Variants in PYCR3 observed in about 807,000 individuals in gnomAD.
PYCR3 encodes P5C reductase 3.
A neutral mutation model predicts 23.4 loss-of-function variants in PYCR3; 26 were observed. The ratio of observed to expected loss-of-function variants is 1.11; its 90% CI spans 0.81 to 1.54. PYCR3 has a LOEUF of 1.54. Ranked by LOEUF, PYCR3 falls within the 40% of genes most tolerant of loss-of-function variation. The pLI is 0.00. For missense variants in PYCR3, 360 were observed against 376.3 expected, an observed-to-expected ratio of 0.96 and a Z score of 0.36; for synonymous variants, 194 against 162.6, an observed-to-expected ratio of 1.19 and a Z score of -1.47.
In PYCR3 at chr8:143,607,002, T is replaced by A. The variant is rs1375491027; in HGVS notation, c.287A>T (p.His96Leu). ...AEVAPVVTTEHILVSVAAGVS... is the reference protein window; with the variant it reads ...AEVAPVVTTELILVSVAAGVS... The stretch of plus-strand genomic sequence containing the variant: ...CCCAGCAGCCACGGACACCAAGATG[T>A]GTTCAGTGGTGACCACAGGAGCCAC... Residue 96 changes from histidine (H) to leucine (L), a missense_variant, in exon 3 of 6, where the codon CAC (histidine) becomes CTC (leucine). Physicochemically the swap from His to Leu is moderately conservative, Grantham distance 99. Transcript: ENST00000495276. 9.3e-6 allele frequency: 15 copies of A among 1,611,852 alleles called. No homozygotes were observed. Among genetic ancestry groups the A allele is most frequent in the Non-Finnish European group, 1.3e-5 (15 of 1,178,908 alleles).
At position 143,608,137 on chromosome 8, in the gene PYCR3, A is replaced by G. The variant is rs757787260; in HGVS notation, c.92-11T>C. The G allele has an allele frequency of 1.9e-6, 3 of 1,610,930 alleles. No homozygotes were observed. Among genetic ancestry groups the G allele is most frequent in the Admixed American group, 1.7e-5 (1 of 60,022 alleles). ...GAGCTTCCACTTTTCCTGGAAAGAA[A>G]GGAAAAGGAAGAGGGGTTGGTGAAG... On this transcript the variant is annotated splice_polypyrimidine_tract_variant and intron_variant, in intron 1 of 5. Transcript: ENST00000495276.
Position 143,606,150 on chromosome 8 carries a change from C to T in PYCR3, c.554G>A (p.Cys185Tyr), listed in dbSNP as rs1429972569. The T allele has an allele frequency of 1.2e-6, 2 of 1,608,330 alleles. No individual in the cohort carries two copies. The highest frequency in any genetic ancestry group is 1.7e-6 in the Non-Finnish European group (2 of 1,178,094). ...GLSGSGVAFV[C>Y]AFSEALAEGA... The stretch of plus-strand genomic sequence containing the variant: ...TTCAGCCAGGGCCTCGGAGAATGCA[C>T]ACACCTGTAGCCGCGGCATGGTGGT... The change falls in exon 5 of 6, where the codon TGT becomes TAT. Residue 185 changes from cysteine to tyrosine, a missense_variant. By Grantham distance (194) the Cys-to-Tyr change is radical. Coordinates refer to ENST00000495276, the MANE Select transcript of PYCR3 (RefSeq NM_023078.6).
At position 143,606,607 on chromosome 8, in the gene PYCR3, C is replaced by T. The variant is rs751905362; in HGVS notation, c.409G>A (p.Val137Met). The change falls in exon 4 of 6, where the codon GTG (valine) becomes ATG (methionine). Residue 137 changes from valine (V) to methionine (M), a missense_variant. Physicochemically the swap from Val to Met is conservative, Grantham distance 21. Coordinates refer to ENST00000495276, the MANE Select transcript of PYCR3 (RefSeq NM_023078.6). ...LPCVVQEGAIVMARGRHVGSS... is the reference protein window; with the variant it reads ...LPCVVQEGAIMMARGRHVGSS... The stretch of plus-strand genomic sequence containing the variant: ...CCCACGTGGCGGCCCCGCGCCATCA[C>T]TATGGCCCCTTCCTGGACCACACAG... 5 of 1,611,524 alleles carry T rather than the reference C, an allele frequency of 3.1e-6. No homozygotes were observed. The South Asian group carries it at 4.4e-5, about 14-fold the overall frequency.
chr8:143,605,403 A>G lies in PYCR3; in HGVS notation c.*297T>C. The G allele has an allele frequency of 2.2e-6, 1 of 460,146 alleles. No homozygotes were observed. The highest frequency in any genetic ancestry group is 3.9e-5 in the South Asian group (1 of 25,518). 28.5% of individuals were successfully genotyped at this position (460,146 alleles called of 1,614,324 possible). On this transcript the variant is annotated 3_prime_UTR_variant, in exon 6 of 6. Transcript: ENST00000495276. ...CCAACCATGCGGGCAAATGACCAAG[A>G]CGCCATCTCTTGGGCCCCTCAGAAC... is the stretch of plus-strand genomic sequence containing the variant.
At position 143,609,349 on chromosome 8, in the gene PYCR3, G is replaced by T. The variant is rs1380857448; in HGVS notation, c.91+109C>A. The T allele has an allele frequency of 2.4e-6, 3 of 1,243,012 alleles. No individual in the cohort carries two copies. In the East Asian group the frequency reaches 9.1e-5, roughly 38 times the overall value. The allele number at this position is 1,243,012 out of a possible 1,614,324, so 77.0% of individuals were successfully genotyped here. On this transcript the variant is annotated intron_variant, in intron 1 of 5. Coordinates refer to ENST00000495276, the MANE Select transcript of PYCR3 (RefSeq NM_023078.6). ...TGGCCCCGGCTGCGCCCAGCGGAGC[G>T]GAGACCCGGTTGGCTGGGCCCGCGC...
intron 1 of PYCR3, 76 bp from the exon 2 acceptor site, chr8:143,608,202 T>G: frequency 1.6e-6 from 2 of 1,250,582 alleles, no homozygotes; most frequent in Non-Finnish European, 2.3e-6. Flanking sequence ...GGGAGCTCAC[T>G]TGGCCTCTCA....
intron 1 of PYCR3, chr8:143,608,637 AT>A (rs1398430018): frequency 3.2e-6 from 1 of 317,274 alleles, no homozygotes; most frequent in Non-Finnish European, 6.3e-6. Flanking sequence ...ATTGGGTTAG[AT>A]TTTGGTAAGG....
In PYCR3 at chr8:143,604,036, AGGCAC is replaced by A. The variant is rs1260067189; in HGVS notation, c.*1659_*1663del. 1 of 152,078 alleles carries A rather than the reference AGGCAC, an allele frequency of 6.6e-6. No homozygotes were observed. Among genetic ancestry groups the A allele is most frequent in the Admixed American group, 6.6e-5 (1 of 15,262 alleles). The allele number at this position is 152,078 out of a possible 1,614,324, so 9.4% of individuals were successfully genotyped here. A position where few individuals can be genotyped will look rare whatever the true frequency, so the allele number is the denominator to read the frequency against. On this transcript the variant is annotated 3_prime_UTR_variant, in exon 6 of 6. Transcript: ENST00000495276. ...CAGCCTCCCAAGTAGCTGGGATTAC[AGGCAC>A]GCACCACCACATCCAGCTAATTTTG...
chr8:143,608,516 A>T, intron 1 of PYCR3: 2 of 327,238 alleles, frequency 6.1e-6, no homozygotes, highest in Non-Finnish European at 1.2e-5. Flanking sequence ...CAGAAGGCCC[A>T]ATCGGGGCCC....
rs1829343716 is a variant in PYCR3, at chr8:143,604,711, AGAACCC to A, written c.*983_*988del. On this transcript the variant is annotated 3_prime_UTR_variant, in exon 6 of 6. Coordinates refer to ENST00000495276, the MANE Select transcript of PYCR3 (RefSeq NM_023078.6). ...CGGGCCCTCCCCACCCAAAGGCCCT[AGAACCC>A]TAGCCTTCAATCCTGGGGGTTTGCT... is the stretch of plus-strand genomic sequence containing the variant. 2.8e-6 allele frequency: 1 copy of A among 355,076 alleles called. No individual in the cohort carries two copies. The highest frequency in any genetic ancestry group is 2.2e-5 in the African/African-American group (1 of 46,076). 22.0% of individuals were successfully genotyped at this position (355,076 alleles called of 1,614,324 possible).
At chr8:143,607,639 C>T (rs926044248) in intron 2 of PYCR3, among the ~76,000 whole-genome samples, 1 of 152,146 alleles carries the variant, frequency 6.6e-6, no homozygotes, top group Non-Finnish European at 1.5e-5. Context: ...CACTCACGAC[C>T]ACACAGGTGC....
At chr8:143,606,402 G>A in intron 4 of PYCR3, 65 bp downstream of exon 4, 1 of 1,548,916 alleles carries the variant, frequency 6.5e-7, no homozygotes, top group Non-Finnish European at 8.9e-7. Context: ...GAGGCTGTCA[G>A]AGGGACTGGG....
chr8:143,605,638 AG>A lies in PYCR3; in HGVS notation c.*61del, dbSNP rs1829371871. 5 of 1,465,590 alleles carry A rather than the reference AG, an allele frequency of 3.4e-6. No individual in the cohort carries two copies. The highest frequency in any genetic ancestry group is 1.9e-6 in the Non-Finnish European group (2 of 1,075,056). 90.8% of individuals were successfully genotyped at this position (1,465,590 alleles called of 1,614,324 possible). On this transcript the variant is annotated 3_prime_UTR_variant, in exon 6 of 6. Transcript: ENST00000495276. ...CAGGAGGGAGGGAGCCGCAGTCCTC[AG>A]GGGAAGGGACACAGGGAGAGGCAGG...
At position 143,603,790 on chromosome 8, in the gene PYCR3, G is replaced by A. The variant is rs1036964821; in HGVS notation, c.*1910C>T. On this transcript the variant is annotated 3_prime_UTR_variant, in exon 6 of 6. Transcript: ENST00000495276. ...CCCCCAGGTGATGTAGAGGCCTGTA[G>A]CAGGCATGGGGAGACCTCTGCTGTC... 6.6e-6 allele frequency: 1 copy of A among 152,216 alleles called. No individual in the cohort carries two copies. The highest frequency in any genetic ancestry group is 1.5e-5 in the Non-Finnish European group (1 of 68,058). 9.4% of individuals were successfully genotyped at this position (152,216 alleles called of 1,614,324 possible).
At chr8:143,608,488 A>G (rs1829460873) in intron 1 of PYCR3, 1 of 361,934 alleles carries the variant, frequency 2.8e-6, no homozygotes, top group East Asian at 6.7e-5. Flanking sequence ...GGTGGGTACA[A>G]AGGCAGTTGA....
intron 2 of PYCR3, among the ~76,000 whole-genome samples, chr8:143,607,696 ACT>A (rs773465641): frequency 1.7e-4 from 26 of 152,262 alleles, no homozygotes; most frequent in Non-Finnish European, 2.8e-4. Context: ...ACACACATGC[ACT>A]GACATACATG....
rs1025037156 is a variant in PYCR3, at chr8:143,604,550, C to G, written c.*1150G>C. The G allele has an allele frequency of 3.4e-6, 1 of 292,914 alleles. No individual in the cohort carries two copies. Among genetic ancestry groups the G allele is most frequent in the South Asian group, 2.9e-5 (1 of 34,150 alleles). The allele number at this position is 292,914 out of a possible 1,614,324, so 18.1% of individuals were successfully genotyped here. A position where few individuals can be genotyped will look rare whatever the true frequency, so the allele number is the denominator to read the frequency against. On this transcript the variant is annotated 3_prime_UTR_variant, in exon 6 of 6. Coordinates refer to ENST00000495276, the MANE Select transcript of PYCR3 (RefSeq NM_023078.6). Reference sequence around the variant, plus strand: ...CACAGCAGGACCCGCCGCCCAGCCTCGCTGAGGGCATGCTCCCGCCTCACC... The same window carrying G: ...CACAGCAGGACCCGCCGCCCAGCCTGGCTGAGGGCATGCTCCCGCCTCACC...
At chr8:143,607,946 C>T in intron 2 of PYCR3, 116 bp downstream of exon 2, 1 of 786,532 alleles carries the variant, frequency 1.3e-6, no homozygotes, top group Non-Finnish European at 2.1e-6. Context: ...AGCCAGTCTG[C>T]AAACTTCAGC....
At chr8:143,607,729 G>A (rs930948982) in intron 2 of PYCR3, among the ~76,000 whole-genome samples, 5 of 151,708 alleles carry the variant, frequency 3.3e-5, no homozygotes, top group South Asian at 2.1e-4. Flanking sequence ...ACGTGCACAC[G>A]CACACACAAG....
Sources: allele counts gnomAD v4.1 joint callset (sites outside exome capture counted in the v4.1 genomes callset), GRCh38; gene constraint gnomAD v4.1.1; transcripts MANE v1.5; gene names NCBI Gene and HGNC (gene_info 2026-07-23, HGNC 2026-07-21).